PDE4D: variants seen among roughly 807,000 people sequenced by gnomAD.
PDE4D encodes the protein phosphodiesterase 4D.
In PDE4D, 24 loss-of-function variants were observed where a neutral mutation model predicts 87.4. The ratio of observed to expected loss-of-function variants is 0.27; its 90% CI spans 0.20 to 0.39. PDE4D has a LOEUF of 0.39. Among genes scored for constraint, PDE4D ranks in the 10% least tolerant of loss-of-function variants. The probability of loss-of-function intolerance (pLI) is 1.00; values close to 1 mark genes in which losing one functional copy is unlikely to be tolerated. For missense variants in PDE4D, 714 were observed against 1,041.0 expected (o/e 0.69, Z 4.32); for synonymous variants, 384 against 383.2 (o/e 1.00, Z -0.02).
chr5:59,643,153 G>A (rs1010548406), intron 1 of PDE4D, among the ~76,000 whole-genome samples: 6 of 152,144 alleles, frequency 3.9e-5, no homozygotes, highest in Non-Finnish European at 8.8e-5. Context: ...AATACAATGA[G>A]ATGACGCCTA....
intron 1 of PDE4D, among the ~76,000 whole-genome samples, chr5:59,804,822 C>T (rs142657078): frequency 0.024 from 3,683 of 152,152 alleles, 68 homozygotes; most frequent in South Asian, 0.051. Flanking sequence ...GACAAAATCT[C>T]GCTCTGTCAC....
chr5:59,956,221 T>G (rs1445643809), intron 3 of PDE4D, among the ~76,000 whole-genome samples: 3 of 152,168 alleles, frequency 2.0e-5, no homozygotes. Context: ...AGGTGGAGTT[T>G]TGTGTGGGCC....
intron 5 of PDE4D, among the ~76,000 whole-genome samples, chr5:59,133,807 C>A (rs1776624852): frequency 6.6e-6 from 1 of 152,138 alleles, no homozygotes; most frequent in Admixed American, 6.5e-5. Context: ...GTGAGATGGA[C>A]AAAGGCTCTG....
intron 1 of PDE4D, among the ~76,000 whole-genome samples, chr5:59,776,866 A>T (rs1412731084): frequency 6.6e-6 from 1 of 152,150 alleles, no homozygotes; most frequent in Admixed American, 6.5e-5. Context: ...TTCACGAAAA[A>T]AAAAAAAGCA....
chr5:60,322,770 TTCTTA>T (rs750266692), intron 1 of PDE4D, among the ~76,000 whole-genome samples: 8 of 152,208 alleles, frequency 5.3e-5, no homozygotes, highest in Non-Finnish European at 8.8e-5. Context: ...TGTTCTTCTC[TTCTTA>T]TAAGTTTTGT....
chr5:59,961,535 G>A (rs1208251832), intron 3 of PDE4D, among the ~76,000 whole-genome samples: 3 of 152,032 alleles, frequency 2.0e-5, no homozygotes, highest in East Asian at 1.9e-4. Context: ...CTGCTGTTTC[G>A]AGCCACCCAT....
chr5:59,349,884 G>C (rs541983063), intron 1 of PDE4D, among the ~76,000 whole-genome samples: 49 of 152,160 alleles, frequency 3.2e-4, no homozygotes, highest in Admixed American at 1.1e-3. Context: ...CTTTCTGCCT[G>C]TGGTTGTTCC....
At chr5:59,766,457 T>A (rs770803762) in intron 1 of PDE4D, among the ~76,000 whole-genome samples, 11 of 152,284 alleles carry the variant, frequency 7.2e-5, no homozygotes, top group Non-Finnish European at 1.3e-4. Context: ...AAAGCCTATT[T>A]TCATGGGATT....
chr5:59,189,530 T>C (rs1743834103), intron 3 of PDE4D, among the ~76,000 whole-genome samples: 1 of 152,268 alleles, frequency 6.6e-6, no homozygotes, highest in Non-Finnish European at 1.5e-5. Context: ...ACTTAGAGTT[T>C]TACTACAGGG....
intron 1 of PDE4D, among the ~76,000 whole-genome samples, chr5:59,287,981 C>T (rs1581778186): frequency 1.3e-5 from 2 of 152,152 alleles, no homozygotes; most frequent in Admixed American, 1.3e-4. Context: ...ATCTGGAAAG[C>T]CTCACCAAGA....
At chr5:59,550,460 T>C (rs1267923426) in intron 1 of PDE4D, among the ~76,000 whole-genome samples, 2 of 152,234 alleles carry the variant, frequency 1.3e-5, no homozygotes, top group East Asian at 3.8e-4. Flanking sequence ...AAACTTTCAC[T>C]TTCATTGCTA....
At chr5:59,690,531 A>T (rs999981209) in intron 1 of PDE4D, among the ~76,000 whole-genome samples, 1 of 152,208 alleles carries the variant, frequency 6.6e-6, no homozygotes, top group South Asian at 2.1e-4. Context: ...GAAAGCTGAA[A>T]CTGGATCTCT....
chr5:59,218,095 G>A, intron 1 of PDE4D: 1 of 355,806 alleles, frequency 2.8e-6, no homozygotes, highest in South Asian at 2.2e-5. Context: ...TAAATAGTGG[G>A]GGTTTGGCAA....
intron 3 of PDE4D, among the ~76,000 whole-genome samples, chr5:59,931,694 C>CTTTTTTTTTTTTTTTTTT (rs35943138): frequency 1.6e-5 from 2 of 126,596 alleles, no homozygotes. Flanking sequence ...TCTTCTTCTT[C>CTTTTTTTTTTTTTTTTTT]TTTTTTTTTT....
Position 60,273,711 on chromosome 5 carries a change from G to A in PDE4D, c.-89-88024C>T, listed in dbSNP as rs181684215. 1.2e-4 allele frequency among the ~76,000 whole-genome samples: 18 copies of A among 152,266 alleles called. No individual in the cohort carries two copies. The East Asian group carries it at 2.9e-3, about 25-fold the overall frequency. On this transcript the variant is annotated intron_variant, in intron 1 of 16. Coordinates refer to the PDE4D transcript ENST00000502484. ...ATCCTAACAACAAGTTCCATTTGGG[G>A]TGGAAAAGAGGGAAGGAGAATCAAA...
At chr5:59,957,800 A>C (rs1415633909) in intron 3 of PDE4D, among the ~76,000 whole-genome samples, 1 of 152,058 alleles carries the variant, frequency 6.6e-6, no homozygotes. Context: ...AAAATGAGTG[A>C]ATTTTCATTC....
intron 2 of PDE4D, among the ~76,000 whole-genome samples, chr5:60,013,780 G>T (rs906041402): frequency 6.6e-6 from 1 of 152,062 alleles, no homozygotes; most frequent in Non-Finnish European, 1.5e-5. Flanking sequence ...GAAAAATTAT[G>T]CAAGCAAATG....
At chr5:59,441,180 C>G (rs2153636095) in intron 1 of PDE4D, among the ~76,000 whole-genome samples, 1 of 149,346 alleles carries the variant, frequency 6.7e-6, no homozygotes, top group Admixed American at 6.7e-5. Context: ...TTGCAGCCTC[C>G]ACAGCCTGGG....
intron 1 of PDE4D, among the ~76,000 whole-genome samples, chr5:60,240,837 G>A (rs1451487210): frequency 2.0e-5 from 3 of 152,100 alleles, no homozygotes; most frequent in African/African-American, 2.4e-5. Context: ...TGGTACCCCC[G>A]ATGCAGATAT....
Sources: allele counts gnomAD v4.1 joint callset (sites outside exome capture counted in the v4.1 genomes callset), GRCh38; gene constraint gnomAD v4.1.1; transcripts MANE v1.5; gene names NCBI Gene and HGNC (gene_info 2026-07-23, HGNC 2026-07-21).